LAMA1: variants seen among roughly 807,000 people sequenced by gnomAD.
LAMA1 encodes laminin subunit alpha-1.
In LAMA1, 219 loss-of-function variants were observed where a neutral mutation model predicts 348.7. The ratio of observed to expected loss-of-function variants is 0.63; its 90% confidence interval spans 0.56 to 0.70. LAMA1 has a LOEUF of 0.70. Among genes scored for constraint, LAMA1 ranks in the 30% least tolerant of loss-of-function variants. The pLI, the probability that LAMA1 is intolerant of heterozygous loss-of-function variation, is 0.00. For synonymous variants in LAMA1, 1,487 were observed against 1,491.0 expected, an observed-to-expected ratio of 1.00 and a Z score of 0.06; for missense variants, 3,744 against 3,888.0, an observed-to-expected ratio of 0.96 and a Z score of 0.99.
In LAMA1 at chr18:7,009,352, A is replaced by T. The variant is rs528584765; in HGVS notation, c.3888T>A (p.Tyr1296Ter). ...EVAMRENFWK[Y>*]FNSVSEKPVT... ...CAGGTTTTTCAGAAACAGAGTTAAA[A>T]TATTTCCAAAAATTCTGTAGAATGA... The change falls in exon 27 of 63, where the codon TAT becomes TAA. Residue 1296 changes from tyrosine to a stop codon, truncating the protein, a stop_gained. Transcript: ENST00000389658. LOFTEE classifies it high-confidence loss of function. 1.9e-6 allele frequency: 3 copies of T among 1,614,172 alleles called. No individual in the cohort carries two copies. The highest frequency in any genetic ancestry group is 2.5e-6 in the Non-Finnish European group (3 of 1,180,010).
At chr18:7,093,143 A>G (rs554601231) in intron 1 of LAMA1, among the ~76,000 whole-genome samples, 4 of 152,298 alleles carry the variant, frequency 2.6e-5, no homozygotes, top group East Asian at 1.9e-4. Flanking sequence ...ATGGCGGGGC[A>G]CAGTGGCTCA....
intron 1 of LAMA1, among the ~76,000 whole-genome samples, chr18:7,114,722 C>G (rs1413159962): frequency 6.6e-6 from 1 of 152,088 alleles, no homozygotes; most frequent in Admixed American, 6.5e-5. Flanking sequence ...TAAAGACAGA[C>G]CTTGTGTTAT....
chr18:6,951,983 C>G (rs1297574190), intron 57 of LAMA1, among the ~76,000 whole-genome samples: 1 of 152,170 alleles, frequency 6.6e-6, no homozygotes, highest in Non-Finnish European at 1.5e-5. Flanking sequence ...CCAGGCCACA[C>G]AGAGATGTTG....
At chr18:6,955,971 G>T (rs2057575053) in intron 56 of LAMA1, 1 of 315,250 alleles carries the variant, frequency 3.2e-6, no homozygotes, top group South Asian at 2.9e-5. Context: ...AAGGGCCCCT[G>T]AACCCCACGC....
chr18:7,066,624 G>T (rs1341850327), intron 3 of LAMA1, among the ~76,000 whole-genome samples: 1 of 152,130 alleles, frequency 6.6e-6, no homozygotes, highest in Non-Finnish European at 1.5e-5. Flanking sequence ...ATTTAGCTTA[G>T]TCCTCCCAAA....
Position 6,985,628 on chromosome 18 carries a change from C to T in LAMA1, c.5395G>A (p.Val1799Ile), listed in dbSNP as rs1170332847. 4 of 1,613,384 alleles carry T rather than the reference C, an allele frequency of 2.5e-6. No individual in the cohort carries two copies. Among genetic ancestry groups the T allele is most frequent in the Admixed American group, 1.7e-5 (1 of 59,998 alleles). ...LREFSDKKLH[V>I]QEEQNLTSEL... ...GAGGTCAGATTTTGTTCTTCTTGAA[C>T]ATGCAGCTTTTTATCCTGCAGCAGA... The change falls in exon 38 of 63, where the codon GTT becomes ATT. Residue 1799 changes from valine (V) to isoleucine (I), a missense_variant. Physicochemically the swap from Val to Ile is conservative, Grantham distance 29. Coordinates refer to ENST00000389658, the MANE Select transcript of LAMA1 (RefSeq NM_005559.4).
At chr18:7,047,683 G>A (rs1247021929) in intron 5 of LAMA1, among the ~76,000 whole-genome samples, 1 of 152,040 alleles carries the variant, frequency 6.6e-6, no homozygotes, top group East Asian at 1.9e-4. Flanking sequence ...ATTGGCACAA[G>A]AATAGACAAA....
At chr18:7,089,137 C>T (rs915722914) in intron 1 of LAMA1, among the ~76,000 whole-genome samples, 10 of 152,178 alleles carry the variant, frequency 6.6e-5, no homozygotes, top group South Asian at 2.1e-4. Context: ...TCAGCACGTT[C>T]GGAGGCTGAG....
chr18:7,016,404 A>G (rs185364184), intron 21 of LAMA1, 87 bp downstream of exon 21: 255 of 1,483,890 alleles, frequency 1.7e-4, no homozygotes, highest in Middle Eastern at 5.4e-4. Context: ...AAAGGCACTT[A>G]ACCAAAATTA....
intron 53 of LAMA1, 49 bp downstream of exon 53, chr18:6,961,537 C>A: frequency 6.2e-7 from 1 of 1,606,800 alleles, no homozygotes; most frequent in Non-Finnish European, 8.5e-7. Context: ...TCATTGTTTC[C>A]CGAAGTAATT....
Position 6,983,235 on chromosome 18 carries a change from C to A in LAMA1, c.5661-1G>T, listed in dbSNP as rs751852609. 3.7e-6 allele frequency: 6 copies of A among 1,614,050 alleles called. No homozygotes were observed. The highest frequency in any genetic ancestry group is 2.2e-5 in the East Asian group (1 of 44,878). On this transcript the variant is annotated splice_acceptor_variant, in intron 39 of 62. Transcript: ENST00000389658. LOFTEE classifies it high-confidence loss of function. ...CACATTTCTGATGTTTTCAAGGCCA[C>A]TATCAAAGCAGCATATTTAGATACG...
chr18:6,950,548 G>A (rs1301051909), intron 58 of LAMA1, among the ~76,000 whole-genome samples: 1 of 152,126 alleles, frequency 6.6e-6, no homozygotes, highest in Non-Finnish European at 1.5e-5. Context: ...TGTTCATCCC[G>A]CCAATGTTTG....
At chr18:7,017,207 C>A in intron 20 of LAMA1, 71 bp downstream of exon 20, 2 of 1,195,230 alleles carry the variant, frequency 1.7e-6, no homozygotes, top group Non-Finnish European at 2.5e-6. Flanking sequence ...GGGGACTTAG[C>A]TCCTTCTGAG....
Position 6,983,140 on chromosome 18 carries a change from G to A in LAMA1, c.5755C>T (p.Leu1919=). 6.2e-7 allele frequency: 1 copy of A among 1,614,156 alleles called. No individual in the cohort carries two copies. The highest frequency in any genetic ancestry group is 8.5e-7 in the Non-Finnish European group (1 of 1,180,032). ...ACAGTCCTGTGAGCATCTCTGGCCA[G>A]TTCCTCCGATTCTTCAATCAGGCTC... The part of the protein sequence containing the change: ...IQSLIEESEE[L]ARDAHRTVTE... The change falls in exon 40 of 63, where the codon CTG becomes TTG. Residue 1919 remains leucine (L), a synonymous_variant. Coordinates refer to ENST00000389658, the MANE Select transcript of LAMA1 (RefSeq NM_005559.4).
At position 7,046,261 on chromosome 18, in the gene LAMA1, G is replaced by A. The variant is rs1439823612; in HGVS notation, c.858+17C>T. 1.3e-6 allele frequency: 2 copies of A among 1,540,228 alleles called. No individual in the cohort carries two copies. Among genetic ancestry groups the A allele is most frequent in the East Asian group, 2.3e-5 (1 of 44,326 alleles). Reference sequence around the variant, plus strand: ...CTGTTTTGAAGTTTTAGTAAAATGTGAAATACTAGAACTCACCTTTGTAGT... The same window carrying A: ...CTGTTTTGAAGTTTTAGTAAAATGTAAAATACTAGAACTCACCTTTGTAGT... On this transcript the variant is annotated intron_variant, in intron 6 of 62. Transcript: ENST00000389658.
Position 7,034,710 on chromosome 18 carries a change from G to A in LAMA1, c.1840-20C>T. 1 of 1,588,192 alleles carries A rather than the reference G, an allele frequency of 6.3e-7. No homozygotes were observed. The highest frequency in any genetic ancestry group is 8.6e-7 in the Non-Finnish European group (1 of 1,157,184). On this transcript the variant is annotated intron_variant, in intron 13 of 62. Transcript: ENST00000389658. ...GTTTCCCTAACATTTAAAAACAAGA[G>A]AAAATATATTTGTCATTCAATTTAA...
chr18:6,954,109 A>G (rs1227401251), intron 57 of LAMA1: 2 of 152,272 alleles, frequency 1.3e-5, no homozygotes, highest in Non-Finnish European at 2.9e-5. Flanking sequence ...GGAAGTAGTC[A>G]TGGAGAATAA....
intron 12 of LAMA1, 107 bp downstream of exon 12, chr18:7,037,471 A>C: frequency 8.0e-7 from 1 of 1,249,802 alleles, no homozygotes; most frequent in Non-Finnish European, 1.2e-6. Flanking sequence ...GCTGTCCAAC[A>C]CTCAGGTGCC....
chr18:7,033,205 G>A (rs574952020), intron 14 of LAMA1, 110 bp from the exon 15 acceptor site: 14 of 790,026 alleles, frequency 1.8e-5, no homozygotes, highest in African/African-American at 5.1e-5. Context: ...AGTGGCTCAC[G>A]CCTGTAATCC....
Sources: gnomAD v4.1 joint callset for allele counts (sites outside exome capture counted in the v4.1 genomes callset) on GRCh38, gnomAD v4.1.1 for gene constraint, MANE v1.5 for transcripts, NCBI Gene and HGNC (gene_info 2026-07-23, HGNC 2026-07-21) for gene names.